DYM: variants seen among roughly 807,000 people sequenced by gnomAD.
DYM encodes dymeclin, also known as dyggve-Melchior-Clausen syndrome protein.
DYM carries 78 observed loss-of-function variants against 93.1 expected under a neutral mutation model. The observed-to-expected ratio is 0.84, with a 90% CI of 0.70 to 1.01. DYM has a LOEUF of 1.01. DYM is among the 50% of genes least tolerant of loss of function. The pLI is 0.00. For synonymous variants in DYM, 321 were observed against 319.7 expected (o/e 1.00, Z -0.04); for missense variants, 789 against 845.0 (o/e 0.93, Z 0.82).
chr18:49,182,564 G>C (rs1416227528), intron 14 of DYM, among the ~76,000 whole-genome samples: 14 of 152,108 alleles, frequency 9.2e-5, no homozygotes, highest in Admixed American at 9.2e-4. Context: ...CCTCTCTGAA[G>C]TCACTTTGCC....
At chr18:49,428,461 A>C (rs1456108331) in intron 2 of DYM, among the ~76,000 whole-genome samples, 1 of 152,046 alleles carries the variant, frequency 6.6e-6, no homozygotes, top group African/African-American at 2.4e-5. Flanking sequence ...GAGGAAGGTG[A>C]ATCACTTGAG....
intron 6 of DYM, among the ~76,000 whole-genome samples, chr18:49,351,173 G>A (rs1299052906): frequency 6.6e-6 from 1 of 152,074 alleles, no homozygotes; most frequent in Non-Finnish European, 1.5e-5. Flanking sequence ...TGTAATCCTA[G>A]CACTTTGGGA....
At chr18:49,298,281 T>A (rs1040429394) in intron 8 of DYM, among the ~76,000 whole-genome samples, 1 of 152,192 alleles carries the variant, frequency 6.6e-6, no homozygotes, top group African/African-American at 2.4e-5. Flanking sequence ...CTTTGTAGTT[T>A]CAAATTTGTC....
At chr18:49,277,314 GA>G (rs1198261779) in intron 10 of DYM, among the ~76,000 whole-genome samples, 1 of 151,866 alleles carries the variant, frequency 6.6e-6, no homozygotes, top group Non-Finnish European at 1.5e-5. Flanking sequence ...GAAGTACAGG[GA>G]AAAAACAAAA....
intron 15 of DYM, among the ~76,000 whole-genome samples, chr18:49,125,348 C>T (rs146015575): frequency 2.0e-5 from 3 of 152,118 alleles, no homozygotes; most frequent in Admixed American, 6.5e-5. Flanking sequence ...TATACCCAGG[C>T]GTGAAATTCC....
At chr18:49,053,699 T>A (rs553728927) in intron 17 of DYM, among the ~76,000 whole-genome samples, 2 of 152,316 alleles carry the variant, frequency 1.3e-5, no homozygotes, top group South Asian at 4.1e-4. Flanking sequence ...ATTCTTTTTT[T>A]AATTCTGGGG....
Position 49,331,875 on chromosome 18 carries a change from G to A in DYM, c.752C>T (p.Ser251Leu), listed in dbSNP as rs774748558. 18 of 1,613,974 alleles carry A rather than the reference G, an allele frequency of 1.1e-5. No homozygotes were observed. Among genetic ancestry groups the A allele is most frequent in the Admixed American group, 5.0e-5 (3 of 59,990 alleles). The change falls in exon 8 of 18, where the codon TCA (serine) becomes TTA (leucine). Residue 251 changes from serine (S) to leucine (L), a missense_variant. Ser to Leu is a moderately radical substitution (Grantham distance 145). Around this residue, in one of 3 missense-constraint regions of DYM, gnomAD observed 450 missense variants for 436.2 expected, o/e 1.03. Coordinates refer to ENST00000675505, the MANE Select transcript of DYM (RefSeq NM_001353214.3). Reference sequence around the variant, plus strand: ...CTGATAAAACTTACTTGCTACTCCTGATGCAAGTCCATAAAGCAGTCCTCC... The same window carrying A: ...CTGATAAAACTTACTTGCTACTCCTAATGCAAGTCCATAAAGCAGTCCTCC... ...DGGGLLYGLA[S>L]GVATGLWTVF...
At chr18:49,181,730 A>G (rs1289154165) in intron 14 of DYM, among the ~76,000 whole-genome samples, 1 of 152,180 alleles carries the variant, frequency 6.6e-6, no homozygotes, top group African/African-American at 2.4e-5. Context: ...AATCTTGGCC[A>G]AAGGTTTATC....
intron 2 of DYM, chr18:49,411,839 G>C (rs1017698421): frequency 7.2e-5 from 11 of 152,162 alleles, no homozygotes; most frequent in African/African-American, 2.6e-4. Context: ...GATATAACCT[G>C]AAAAAATCAA....
chr18:49,403,788 A>C (rs1263157608), intron 2 of DYM, among the ~76,000 whole-genome samples: 1 of 150,932 alleles, frequency 6.6e-6, no homozygotes, highest in Non-Finnish European at 1.5e-5. Context: ...TCCTTTATAT[A>C]CATAAGTAAT....
intron 13 of DYM, among the ~76,000 whole-genome samples, chr18:49,237,407 CT>C (rs954019035): frequency 1.3e-4 from 20 of 151,564 alleles, no homozygotes; most frequent in African/African-American, 4.1e-4. Context: ...GCCTATAAAA[CT>C]TTTTTTTTAA....
chr18:49,381,789 T>C (rs2068065302), intron 3 of DYM, among the ~76,000 whole-genome samples: 1 of 151,988 alleles, frequency 6.6e-6, no homozygotes, highest in Admixed American at 6.6e-5. Flanking sequence ...CAATCAAGAA[T>C]AGATATGTGA....
At chr18:49,104,823 C>T (rs181552) in intron 16 of DYM, among the ~76,000 whole-genome samples, 151,604 of 152,326 alleles carry the variant, frequency 1, 75,451 homozygotes, top group Middle Eastern at 1. Flanking sequence ...AGTATTTTAT[C>T]AGGATTTTTG....
chr18:49,165,114 T>C (rs1600268502), intron 14 of DYM, among the ~76,000 whole-genome samples: 1 of 152,184 alleles, frequency 6.6e-6, no homozygotes, highest in South Asian at 2.1e-4. Context: ...CATAAGGAAG[T>C]TGGAATGGCC....
Position 49,097,452 on chromosome 18 carries a change from G to A in DYM, c.1975C>T (p.Leu659=), listed in dbSNP as rs374799304. ...ACGACGCCTTGCTTAATGATTTCCA[G>A]GACCCGTTCCACTGACAGCTCAGCT... The part of the protein sequence containing the change: ...AGAELSVERV[L]EIIKQGVVAL... The change falls in exon 17 of 18, where the codon CTG becomes TTG. Residue 659 remains leucine (L), a synonymous_variant. Transcript: ENST00000675505. The A allele has an allele frequency of 6.2e-7, 1 of 1,614,046 alleles. No individual in the cohort carries two copies. The highest frequency in any genetic ancestry group is 8.5e-7 in the Non-Finnish European group (1 of 1,179,946).
chr18:49,200,787 T>C (rs1487984537), intron 14 of DYM, among the ~76,000 whole-genome samples: 1 of 152,178 alleles, frequency 6.6e-6, no homozygotes, highest in East Asian at 1.9e-4. Context: ...TGTTTTGATA[T>C]ATGTATACAT....
At chr18:49,233,429 T>G (rs1335307287) in intron 13 of DYM, among the ~76,000 whole-genome samples, 1 of 151,836 alleles carries the variant, frequency 6.6e-6, no homozygotes, top group Admixed American at 6.6e-5. Context: ...ATTTTTTCAG[T>G]CAGATGAAAT....
chr18:49,207,245 C>A (rs367817897), intron 14 of DYM, among the ~76,000 whole-genome samples: 13 of 152,108 alleles, frequency 8.5e-5, no homozygotes, highest in African/African-American at 3.1e-4. Context: ...GTTAACAATG[C>A]GCCAGGCATG....
At chr18:49,363,744 A>G (rs1016735738) in intron 5 of DYM, among the ~76,000 whole-genome samples, 1 of 152,216 alleles carries the variant, frequency 6.6e-6, no homozygotes. Flanking sequence ...CCCATTAAAG[A>G]GGCCAACCTC....
Sources: allele counts gnomAD v4.1 joint callset (sites outside exome capture counted in the v4.1 genomes callset), GRCh38; gene constraint gnomAD v4.1.1; regional missense constraint gnomAD v4.1.1; transcripts MANE v1.5; gene names NCBI Gene and HGNC (gene_info 2026-07-23, HGNC 2026-07-21).